CFAP263: variants seen among roughly 807,000 people sequenced by gnomAD.
The protein encoded by CFAP263 is cilia- and flagella-associated protein 263.
the CFAP263 span, chr16:58,258,225 G>T: frequency 1.6e-6 from 1 of 616,330 alleles, no homozygotes. Flanking sequence ...AGTCAAGTTT[G>T]TATCTTAAGG....
the CFAP263 span, among the ~76,000 whole-genome samples, chr16:58,274,719 C>G: frequency 1.3e-5 from 2 of 152,314 alleles, no homozygotes; most frequent in Non-Finnish European, 2.9e-5. Flanking sequence ...GTGAGTCAAT[C>G]AAATCTTCTT....
At chr16:58,253,483 C>T in the CFAP263 span, among the ~76,000 whole-genome samples, 1 of 152,154 alleles carries the variant, frequency 6.6e-6, no homozygotes, top group South Asian at 2.1e-4. Flanking sequence ...TAGCACAGGC[C>T]CTTGTCTCAA....
chr16:58,277,851 TTA>T, the CFAP263 span, among the ~76,000 whole-genome samples: 7 of 152,136 alleles, frequency 4.6e-5, no homozygotes, highest in African/African-American at 1.7e-4. Flanking sequence ...TTGATTCCGC[TTA>T]TATGAGGTAC....
the CFAP263 span, among the ~76,000 whole-genome samples, chr16:58,256,519 G>A: frequency 1.8e-3 from 272 of 152,336 alleles, no homozygotes; most frequent in Non-Finnish European, 3.4e-3. Flanking sequence ...AGGCCGGTGT[G>A]ATTAGAGAAG....
chr16:58,276,372 T>C, the CFAP263 span, among the ~76,000 whole-genome samples: 1 of 152,240 alleles, frequency 6.6e-6, no homozygotes, highest in African/African-American at 2.4e-5. Context: ...AAGGGAAATT[T>C]AGCACTGTTT....
At chr16:58,268,976 C>T in the CFAP263 span, among the ~76,000 whole-genome samples, 1 of 152,040 alleles carries the variant, frequency 6.6e-6, no homozygotes, top group African/African-American at 2.4e-5. Context: ...GTTGTGTAAC[C>T]ATCAACACAA....
chr16:58,268,698 T>A, the CFAP263 span, among the ~76,000 whole-genome samples: 1 of 152,118 alleles, frequency 6.6e-6, no homozygotes, highest in Non-Finnish European at 1.5e-5. Context: ...CAGTACAGAG[T>A]GGCAAGTAGC....
chr16:58,265,903 C>T, the CFAP263 span, among the ~76,000 whole-genome samples: 1 of 152,262 alleles, frequency 6.6e-6, no homozygotes, highest in Non-Finnish European at 1.5e-5. Context: ...TCCTTCCTGC[C>T]CTGCCGCTCT....
chr16:58,256,463 T>C, the CFAP263 span, among the ~76,000 whole-genome samples: 1 of 152,076 alleles, frequency 6.6e-6, no homozygotes, highest in African/African-American at 2.4e-5. Flanking sequence ...GTAAGGAGAA[T>C]GACATGGGCA....
At chr16:58,269,831 C>T in the CFAP263 span, among the ~76,000 whole-genome samples, 19 of 152,092 alleles carry the variant, frequency 1.2e-4, no homozygotes, top group African/African-American at 3.4e-4. Flanking sequence ...TTTCCCTTGA[C>T]GTGTTTTCTT....
chr16:58,270,941 C>T, the CFAP263 span, among the ~76,000 whole-genome samples: 1 of 152,082 alleles, frequency 6.6e-6, no homozygotes, highest in Non-Finnish European at 1.5e-5. Context: ...TTGTTTCAGC[C>T]TCCCTCCTTT....
the CFAP263 span, among the ~76,000 whole-genome samples, chr16:58,264,012 A>G: frequency 3.3e-5 from 5 of 152,200 alleles, no homozygotes; most frequent in Admixed American, 2.0e-4. Context: ...CCAGTCCAGT[A>G]TGCATCCCAC....
At chr16:58,262,766 GATA>G in the CFAP263 span, among the ~76,000 whole-genome samples, 1 of 121,878 alleles carries the variant, frequency 8.2e-6, no homozygotes, top group African/African-American at 4.0e-5. Context: ...ATGATAGGTA[GATA>G]GATAGATAGA....
At chr16:58,250,739 T>C in the CFAP263 span, among the ~76,000 whole-genome samples, 1 of 137,442 alleles carries the variant, frequency 7.3e-6, no homozygotes, top group African/African-American at 2.8e-5. Context: ...CACCCCAGCC[T>C]GGGCAACAGA....
At chr16:58,269,628 A>G in the CFAP263 span, among the ~76,000 whole-genome samples, 2 of 152,174 alleles carry the variant, frequency 1.3e-5, no homozygotes, top group Non-Finnish European at 1.5e-5. Flanking sequence ...TTGGAATAAC[A>G]TTTCAAGGTT....
chr16:58,278,447 G>T, the CFAP263 span: 1 of 1,603,904 alleles, frequency 6.2e-7, no homozygotes, highest in Non-Finnish European at 8.5e-7. Context: ...GAGCTGCTGG[G>T]GTTCCCTGGG....
the CFAP263 span, among the ~76,000 whole-genome samples, chr16:58,275,489 G>A: frequency 6.6e-6 from 1 of 152,028 alleles, no homozygotes; most frequent in Non-Finnish European, 1.5e-5. Flanking sequence ...TTCCTTTGGG[G>A]GGTAAAAAAA....
chr16:58,279,014 A>G, the CFAP263 span, among the ~76,000 whole-genome samples: 3 of 152,076 alleles, frequency 2.0e-5, no homozygotes, highest in South Asian at 6.2e-4. Flanking sequence ...GGATTTTTTA[A>G]TATCACTCAG....
the CFAP263 span, chr16:58,254,286 T>A: frequency 1.0e-6 from 1 of 961,898 alleles, no homozygotes; most frequent in Non-Finnish European, 1.6e-6. Context: ...ATGAAGCGAA[T>A]CCAGGGCCTA....
Sources: allele counts gnomAD v4.1 joint callset (sites outside exome capture counted in the v4.1 genomes callset), GRCh38; gene constraint gnomAD v4.1.1; transcripts MANE v1.5; gene names NCBI Gene and HGNC (gene_info 2026-07-23, HGNC 2026-07-21).